FFAR4: variants seen among roughly 807,000 people sequenced by gnomAD.
The protein encoded by FFAR4 is G-protein coupled receptor 120.
In FFAR4, 19 loss-of-function variants were observed where a neutral mutation model predicts 27.0. The ratio of observed to expected loss-of-function variants is 0.70; its 90% CI spans 0.49 to 1.03. The LOEUF is 1.03. Ranked by LOEUF, FFAR4 falls within the 50% of genes least tolerant of loss-of-function variation. FFAR4 has a pLI of 0.00. For synonymous variants in FFAR4, 254 were observed against 215.6 expected, an observed-to-expected ratio of 1.18 and a Z score of -1.56; for missense variants, 476 against 479.0, an observed-to-expected ratio of 0.99 and a Z score of 0.06.
At chr10:93,579,133 C>T (rs2058184181) in intron 2 of FFAR4, 1 of 1,612,202 alleles carries the variant, frequency 6.2e-7, no homozygotes, top group African/African-American at 1.3e-5. Flanking sequence ...AAACCCACAG[C>T]CGGCCTTCAC....
At chr10:93,580,677 C>A (rs561088871) in intron 2 of FFAR4, among the ~76,000 whole-genome samples, 1 of 152,194 alleles carries the variant, frequency 6.6e-6, no homozygotes, top group African/African-American at 2.4e-5. Flanking sequence ...CCAAGAAATG[C>A]CTTTTTGGAA....
chr10:93,581,229 A>G lies in FFAR4; in HGVS notation c.696+5010A>G, dbSNP rs532437811. Among the ~76,000 whole-genome samples the G allele has an allele frequency of 2.0e-5, 3 of 152,356 alleles. No homozygotes were observed. The South Asian group carries it at 6.2e-4, about 32-fold the overall frequency. Reference sequence around the variant, plus strand: ...AGATGGAAAACCCTCAGCCTGCCTCAGGGCTAAACTGAGAAACAAAATCTG... The same window carrying G: ...AGATGGAAAACCCTCAGCCTGCCTCGGGGCTAAACTGAGAAACAAAATCTG... On this transcript the variant is annotated intron_variant, in intron 2 of 2. Coordinates refer to ENST00000371481, the MANE Select transcript of FFAR4 (RefSeq NM_001195755.2).
intron 2 of FFAR4, among the ~76,000 whole-genome samples, chr10:93,577,656 G>A (rs2058172266): frequency 6.6e-6 from 1 of 152,156 alleles, no homozygotes; most frequent in African/African-American, 2.4e-5. Flanking sequence ...AAAGAGGTGA[G>A]AGAAAAAGGA....
chr10:93,583,964 T>C (rs906350951), intron 2 of FFAR4, among the ~76,000 whole-genome samples: 2 of 152,192 alleles, frequency 1.3e-5, no homozygotes, highest in Non-Finnish European at 2.9e-5. Flanking sequence ...GCAAGAGGGA[T>C]GAAGCTGCTG....
At chr10:93,568,569 G>T (rs1416542894) in intron 1 of FFAR4, among the ~76,000 whole-genome samples, 1 of 152,120 alleles carries the variant, frequency 6.6e-6, no homozygotes, top group Admixed American at 6.5e-5. Context: ...CCAGGGGAAG[G>T]CTTGGTTATG....
chr10:93,579,258 T>C, intron 2 of FFAR4: 2 of 1,455,538 alleles, frequency 1.4e-6, no homozygotes, highest in South Asian at 1.1e-5. Flanking sequence ...GTAATTTACA[T>C]TCCATCACCA....
intron 1 of FFAR4, among the ~76,000 whole-genome samples, chr10:93,573,468 G>A (rs1335074604): frequency 1.3e-5 from 2 of 152,154 alleles, no homozygotes; most frequent in Admixed American, 6.5e-5. Context: ...CAGCCTGCGG[G>A]AGAATACCTA....
At chr10:93,569,811 C>G (rs2058121725) in intron 1 of FFAR4, among the ~76,000 whole-genome samples, 1 of 151,236 alleles carries the variant, frequency 6.6e-6, no homozygotes, top group Admixed American at 6.6e-5. Flanking sequence ...GTAATTCCAG[C>G]ACTTTGGGAG....
intron 2 of FFAR4, among the ~76,000 whole-genome samples, chr10:93,577,854 G>A (rs2058173393): frequency 6.6e-6 from 1 of 152,068 alleles, no homozygotes; most frequent in African/African-American, 2.4e-5. Context: ...TGACCCTAGA[G>A]TCCCAATGCA....
intron 1 of FFAR4, among the ~76,000 whole-genome samples, chr10:93,568,897 G>A (rs2058115841): frequency 6.6e-6 from 1 of 152,194 alleles, no homozygotes; most frequent in African/African-American, 2.4e-5. Context: ...ATGCAAGCTT[G>A]TGGCCATGTC....
intron 2 of FFAR4, among the ~76,000 whole-genome samples, chr10:93,583,116 G>A (rs934053646): frequency 6.6e-6 from 1 of 151,754 alleles, no homozygotes; most frequent in Non-Finnish European, 1.5e-5. Context: ...TAAGAGGGAC[G>A]CCTGGGCCGG....
Position 93,566,819 on chromosome 10 carries a change from C to A in FFAR4, c.99C>A (p.Gly33=), listed in dbSNP as rs1284148465. The part of the protein sequence containing the change: ...TRFPFFSDVK[G]DHRLVLAAVE... ...TTCCCTTCTTCTCCGACGTCAAGGG[C>A]GACCACCGGCTGGTGCTGGCCGCGG... is the stretch of plus-strand genomic sequence containing the variant. The change falls in exon 1 of 3, where the codon GGC becomes GGA. Residue 33 remains glycine (G), a synonymous_variant. Coordinates refer to ENST00000371481, the MANE Select transcript of FFAR4 (RefSeq NM_001195755.2). The A allele has an allele frequency of 6.2e-7, 1 of 1,603,980 alleles. No individual in the cohort carries two copies. Among genetic ancestry groups the A allele is most frequent in the Admixed American group, 1.7e-5 (1 of 59,574 alleles).
In FFAR4 at chr10:93,567,118, G is replaced by T. The variant is rs749304646; in HGVS notation, c.398G>T (p.Ser133Ile). 2.4e-5 allele frequency: 38 copies of T among 1,608,634 alleles called. No homozygotes were observed. The highest frequency in any genetic ancestry group is 3.2e-5 in the Non-Finnish European group (38 of 1,178,846). The stretch of plus-strand genomic sequence containing the variant: ...ACCATCCTCACGCTGGCCGCGGTCA[G>T]CCTGGAGCGCATGGTGTGCATCGTG... ...SVTILTLAAV[S>I]LERMVCIVHL... The change falls in exon 1 of 3, where the codon AGC (serine) becomes ATC (isoleucine). Residue 133 changes from serine to isoleucine, a missense_variant. Transcript: ENST00000371481.
At position 93,570,654 on chromosome 10, in the gene FFAR4, G is replaced by A. The variant is rs181481558; in HGVS notation, c.567+3367G>A. On this transcript the variant is annotated intron_variant, in intron 1 of 2. Coordinates refer to ENST00000371481, the MANE Select transcript of FFAR4 (RefSeq NM_001195755.2). ...GAAACTGCCCCTTAGAGCTTCTGCC[G>A]ACCCAAGAGCCTTCCTGAAACAGAA... Among the ~76,000 whole-genome samples the A allele has an allele frequency of 9.2e-4, 140 of 152,248 alleles. 1 individual carries two copies. The highest frequency in any genetic ancestry group is 3.2e-3 in the African/African-American group (131 of 41,540).
chr10:93,586,724 C>T (rs185852573), intron 2 of FFAR4, among the ~76,000 whole-genome samples: 48 of 152,224 alleles, frequency 3.2e-4, no homozygotes, highest in African/African-American at 9.4e-4. Context: ...AGAGCAGATG[C>T]CTGCAATCCC....
At chr10:93,579,171 C>A in intron 2 of FFAR4, 1 of 1,614,134 alleles carries the variant, frequency 6.2e-7, no homozygotes. Flanking sequence ...CTCGGAACAC[C>A]TCCTGGATGC....
Position 93,587,664 on chromosome 10 carries a change from C to G in FFAR4, c.*55C>G. 6.5e-7 allele frequency: 1 copy of G among 1,544,710 alleles called. No homozygotes were observed. Among genetic ancestry groups the G allele is most frequent in the Non-Finnish European group, 8.8e-7 (1 of 1,141,522 alleles). ...TGGCGAGCTGTGGCATGCTTTTAAA[C>G]AGAGTTCATTTCCAGTACCCTCCAT... is the stretch of plus-strand genomic sequence containing the variant. On this transcript the variant is annotated 3_prime_UTR_variant, in exon 3 of 3. Transcript: ENST00000371481.
Position 93,587,357 on chromosome 10 carries a change from C to A in FFAR4, c.834C>A (p.Ser278Arg), listed in dbSNP as rs2058234656. ...LLMVSFFIMW[S>R]PIIITILLIL... Reference sequence around the variant, plus strand: ...TGGTCTCCTTCTTCATCATGTGGAGCCCCATCATCATCACCATCCTCCTCA... The same window carrying A: ...TGGTCTCCTTCTTCATCATGTGGAGACCCATCATCATCACCATCCTCCTCA... Residue 278 changes from serine to arginine, a missense_variant, in exon 3 of 3, where the codon AGC (serine) becomes AGA (arginine). Transcript: ENST00000371481. 2 of 1,613,954 alleles carry A rather than the reference C, an allele frequency of 1.2e-6. No individual in the cohort carries two copies. The highest frequency in any genetic ancestry group is 1.3e-5 in the African/African-American group (1 of 74,896).
At chr10:93,580,961 A>G (rs1311243512) in intron 2 of FFAR4, among the ~76,000 whole-genome samples, 1 of 152,206 alleles carries the variant, frequency 6.6e-6, no homozygotes, top group Non-Finnish European at 1.5e-5. Flanking sequence ...GGCTGTCACC[A>G]CTGTTTGGGG....
Sources: gnomAD v4.1 joint callset for allele counts (sites outside exome capture counted in the v4.1 genomes callset) on GRCh38, gnomAD v4.1.1 for gene constraint, MANE v1.5 for transcripts, NCBI Gene and HGNC (gene_info 2026-07-23, HGNC 2026-07-21) for gene names.